The following PBXIP1 variants were observed in gnomAD, a reference collection of about 807,000 sequenced individuals.
PBXIP1 encodes the protein pre-B-cell leukemia transcription factor-interacting protein 1.
A neutral mutation model predicts 73.7 loss-of-function variants in PBXIP1; 73 were observed. The observed-to-expected ratio is 0.99, with a 90% CI of 0.82 to 1.20. The LOEUF (loss-of-function observed/expected upper bound fraction) is 1.20. PBXIP1 is among the 50% of genes most tolerant of loss of function. The pLI, the probability that PBXIP1 is intolerant of heterozygous loss-of-function variation, is 0.00. For missense variants in PBXIP1, 818 were observed against 911.4 expected (o/e 0.90, Z 1.32); for synonymous variants, 330 against 366.9 (o/e 0.90, Z 1.15).
chr1:154,951,284 C>T lies in PBXIP1; in HGVS notation c.357G>A (p.Gln119=), dbSNP rs1290275901. 2 of 1,614,036 alleles carry T rather than the reference C, an allele frequency of 1.2e-6. No homozygotes were observed. The highest frequency in any genetic ancestry group is 1.7e-6 in the Non-Finnish European group (2 of 1,180,018). Residue 119 remains glutamine, a synonymous_variant, in exon 5 of 11, where the codon CAG becomes CAA. Coordinates refer to ENST00000368463, the MANE Select transcript of PBXIP1 (RefSeq NM_020524.4). The surrounding 1 kb of genome is among the most constrained non-coding windows in gnomAD (Gnocchi z 4.3). ...TVVTGLGPDT[Q]DLEGQSPPQS... ...GTGGAGGGCTCTGGCCTTCCAGGTCCTGTGTGTCTGGTCCCAGGCCTGTCA... is the reference window on the plus strand; with the variant it reads ...GTGGAGGGCTCTGGCCTTCCAGGTCTTGTGTGTCTGGTCCCAGGCCTGTCA...
At position 154,947,882 on chromosome 1, in the gene PBXIP1, C is replaced by G. The variant is rs1558038698; in HGVS notation, c.667+100G>C. 3.5e-6 allele frequency: 5 copies of G among 1,421,574 alleles called. No homozygotes were observed. The East Asian group carries it at 9.1e-5, about 26-fold the overall frequency. The allele number at this position is 1,421,574 out of a possible 1,614,324, so 88.1% of individuals were successfully genotyped here. On this transcript the variant is annotated intron_variant, in intron 7 of 10. Transcript: ENST00000368463. ...CCTGAACAGCTGACAAGGCCACTAACTGAGAAATAAATGTGAGCCCCCAGC... is the reference window on the plus strand; with the variant it reads ...CCTGAACAGCTGACAAGGCCACTAAGTGAGAAATAAATGTGAGCCCCCAGC...
chr1:154,946,547 G>T lies in PBXIP1; in HGVS notation c.1127C>A (p.Pro376Gln). The T allele has an allele frequency of 6.2e-7, 1 of 1,612,314 alleles. No individual in the cohort carries two copies. Reference sequence around the variant, plus strand: ...CTTCTGCTTCAGGAAGCTGAGTTCTGGCTCCTGCTCCCTGGGGCCTTGCTC... The same window carrying T: ...CTTCTGCTTCAGGAAGCTGAGTTCTTGCTCCTGCTCCCTGGGGCCTTGCTC... The part of the protein sequence containing the change: ...IREQGPREQE[P>Q]ELSFLKQKEQ... The change falls in exon 10 of 11, where the codon CCA becomes CAA. Residue 376 changes from proline (P) to glutamine (Q), a missense_variant. Transcript: ENST00000368463.
In PBXIP1 at chr1:154,951,086, CG is replaced by C; in HGVS notation, c.409+145del. The C allele has an allele frequency of 1.4e-6, 1 of 698,988 alleles. No homozygotes were observed. Among genetic ancestry groups the C allele is most frequent in the South Asian group, 1.9e-5 (1 of 52,942 alleles). 43.3% of individuals were successfully genotyped at this position (698,988 alleles called of 1,614,324 possible). A position where few individuals can be genotyped will look rare whatever the true frequency, so the allele number is the denominator to read the frequency against. ...GTCATTCAACCTTTCTGGGCCTCAA[CG>C]TCCCAGGGGTAGTGGTGAGAAAGGA... On this transcript the variant is annotated intron_variant, in intron 5 of 10. Coordinates refer to ENST00000368463, the MANE Select transcript of PBXIP1 (RefSeq NM_020524.4). The surrounding 1 kb of genome is among the most constrained non-coding windows in gnomAD (Gnocchi z 4.3).
chr1:154,948,341 G>A lies in PBXIP1; in HGVS notation c.435C>T (p.Cys145=). The A allele has an allele frequency of 2.5e-6, 4 of 1,602,704 alleles. No homozygotes were observed. Among genetic ancestry groups the A allele is most frequent in the Non-Finnish European group, 2.6e-6 (3 of 1,174,746 alleles). ...KAAWIREEGR[C]SSSDDDTDVD... ...CGTCGGTGTCATCGTCACTGCTGGA[G>A]CAGCGGCCCTCCTCCCTGATCCAAG... is the stretch of plus-strand genomic sequence containing the variant. The change falls in exon 6 of 11, where the codon TGC becomes TGT. Residue 145 remains cysteine, a synonymous_variant. Transcript: ENST00000368463.
At position 154,944,919 on chromosome 1, in the gene PBXIP1, CT is replaced by C; in HGVS notation, c.*104del. On this transcript the variant is annotated 3_prime_UTR_variant, in exon 11 of 11. Transcript: ENST00000368463. ...TTTTGCTCTACTGTGTGAAAGATATCTGAGGACACCAAACAAGCCAGGACAG... is the reference window on the plus strand; with the variant it reads ...TTTTGCTCTACTGTGTGAAAGATATCGAGGACACCAAACAAGCCAGGACAG... 1 of 889,284 alleles carries C rather than the reference CT, an allele frequency of 1.1e-6. No individual in the cohort carries two copies. The highest frequency in any genetic ancestry group is 1.8e-6 in the Non-Finnish European group (1 of 550,958). 55.1% of individuals were successfully genotyped at this position (889,284 alleles called of 1,614,324 possible).
At position 154,944,867 on chromosome 1, in the gene PBXIP1, A is replaced by G. The variant is rs1558036259; in HGVS notation, c.*157T>C. On this transcript the variant is annotated 3_prime_UTR_variant, in exon 11 of 11. Transcript: ENST00000368463. ...GTCCAGCTAAGGCCTTTTTCTACAT[A>G]AAGTGACATCAGTGCAGGGCTGGTG... The G allele has an allele frequency of 6.7e-6, 4 of 597,806 alleles. No individual in the cohort carries two copies. In the East Asian group the frequency reaches 1.1e-4, roughly 17 times the overall value. The allele number at this position is 597,806 out of a possible 1,614,324, so 37.0% of individuals were successfully genotyped here.
rs559731031 is a variant in PBXIP1, at chr1:154,946,759, C to T, written c.915G>A (p.Gly305=). ...ELQSLMHQPK[G]LEEENAQLRG... ...GGAGCTGGGCATTCTCCTCCTCTAG[C>T]CCTTTGGGCTGGTGCATCAGGCTCT... Residue 305 remains glycine (G), a synonymous_variant, in exon 10 of 11, where the codon GGG becomes GGA. Coordinates refer to ENST00000368463, the MANE Select transcript of PBXIP1 (RefSeq NM_020524.4). The T allele has an allele frequency of 1.3e-6, 2 of 1,572,572 alleles. No homozygotes were observed. Among genetic ancestry groups the T allele is most frequent in the South Asian group, 1.2e-5 (1 of 86,660 alleles).
intron 9 of PBXIP1, 149 bp from the exon 10 acceptor site, chr1:154,946,952 C>T (rs1654847587): frequency 1.5e-6 from 1 of 667,402 alleles, no homozygotes; most frequent in East Asian, 2.8e-5. Flanking sequence ...TGGTTTTCAT[C>T]CTCCACCCCA....
rs1209198293 is a variant in PBXIP1, at chr1:154,946,335, C to A, written c.1339G>T (p.Gly447Cys). ...AQKLQGLENW[G>C]QDPGVSANAS... ...TTGGCAGAGACCCCAGGGTCCTGGC[C>A]CCAGTTCTCCAGGCCCTGCAGTTTC... is the stretch of plus-strand genomic sequence containing the variant. The change falls in exon 10 of 11, where the codon GGC becomes TGC. Residue 447 changes from glycine to cysteine, a missense_variant. Transcript: ENST00000368463. 1 of 1,614,084 alleles carries A rather than the reference C, an allele frequency of 6.2e-7. No homozygotes were observed. Among genetic ancestry groups the A allele is most frequent in the Non-Finnish European group, 8.5e-7 (1 of 1,180,024 alleles).
Position 154,948,216 on chromosome 1 carries a change from G to A in PBXIP1, c.560C>T (p.Ala187Val), listed in dbSNP as rs755202574. The A allele has an allele frequency of 1.1e-5, 17 of 1,611,902 alleles. No homozygotes were observed. The East Asian group carries it at 3.8e-4, about 36-fold the overall frequency. ...AVENQAGGEG[A>V]GGELGISLNM... Reference sequence around the variant, plus strand: ...GAGGGAGATGCCCAGCTCCCCGCCTGCACCCTCACCCCCAGCCTGGTTCTC... The same window carrying A: ...GAGGGAGATGCCCAGCTCCCCGCCTACACCCTCACCCCCAGCCTGGTTCTC... Residue 187 changes from alanine to valine, a missense_variant, in exon 6 of 11, where the codon GCA becomes GTA. Coordinates refer to ENST00000368463, the MANE Select transcript of PBXIP1 (RefSeq NM_020524.4).
chr1:154,951,272 G>T lies in PBXIP1; in HGVS notation c.369C>A (p.Gly123=). ...GLGPDTQDLE[G]QSPPQSLPST... is the part of the protein sequence containing the mutation. The stretch of plus-strand genomic sequence containing the variant: ...AAGGCAGGCTCTGTGGAGGGCTCTG[G>T]CCTTCCAGGTCCTGTGTGTCTGGTC... Residue 123 remains glycine, a synonymous_variant, in exon 5 of 11, where the codon GGC becomes GGA. Transcript: ENST00000368463. The surrounding 1 kb of genome is among the most constrained non-coding windows in gnomAD (Gnocchi z 4.3). The T allele has an allele frequency of 6.2e-7, 1 of 1,614,118 alleles. No individual in the cohort carries two copies. The highest frequency in any genetic ancestry group is 8.5e-7 in the Non-Finnish European group (1 of 1,179,976).
Position 154,944,764 on chromosome 1 carries a change from C to T in PBXIP1, c.*260G>A, listed in dbSNP as rs1654743796. 2.2e-6 allele frequency: 1 copy of T among 451,830 alleles called. No homozygotes were observed. The highest frequency in any genetic ancestry group is 3.5e-5 in the South Asian group (1 of 28,896). 28.0% of individuals were successfully genotyped at this position (451,830 alleles called of 1,614,324 possible). ...CAAAACAGGCTCCTCTCCCATCTCC[C>T]CCTTCACAGTGACAAAACACAAGCC... On this transcript the variant is annotated 3_prime_UTR_variant, in exon 11 of 11. Transcript: ENST00000368463.
chr1:154,947,340 CT>C (rs1158732014), intron 9 of PBXIP1, 76 bp downstream of exon 9: 3 of 1,538,756 alleles, frequency 1.9e-6, no homozygotes, highest in Non-Finnish European at 2.7e-6. Flanking sequence ...GGAAACATTC[CT>C]TTTGGGGGAG....
chr1:154,951,212 G>A lies in PBXIP1; in HGVS notation c.409+20C>T, dbSNP rs1654993421. On this transcript the variant is annotated intron_variant, in intron 5 of 10. Coordinates refer to ENST00000368463, the MANE Select transcript of PBXIP1 (RefSeq NM_020524.4). This position sits in a 1 kb window ranked among gnomAD's most constrained non-coding sequence, Gnocchi z 4.3. ...ACCTTCTAGAAGGAGAGTGACAGGA[G>A]AGGCAAGGAAGACTCTCACCTGCTT... is the stretch of plus-strand genomic sequence containing the variant. The A allele has an allele frequency of 1.9e-6, 3 of 1,609,646 alleles. No homozygotes were observed. The highest frequency in any genetic ancestry group is 1.3e-5 in the African/African-American group (1 of 74,838).
intron 5 of PBXIP1, chr1:154,950,242 G>T (rs1321678832): frequency 6.6e-6 from 1 of 152,342 alleles, no homozygotes; most frequent in Non-Finnish European, 1.5e-5. Flanking sequence ...GCCCAGGCTG[G>T]TCTCAAACTT....
At position 154,945,586 on chromosome 1, in the gene PBXIP1, T is replaced by A. The variant is rs1304406290; in HGVS notation, c.2088A>T (p.Lys696Asn). Reference sequence around the variant, plus strand: ...CAGCTGCCCACCTCTTCTTCAGTGCTTTGTCTCCAAAGAAGTGGCTGAAGA... The same window carrying A: ...CAGCTGCCCACCTCTTCTTCAGTGCATTGTCTCCAAAGAAGTGGCTGAAGA... ...DFIFSHFFGD[K>N]ALKKRSGKKD... is the part of the protein sequence containing the mutation. The change falls in exon 10 of 11, where the codon AAA (lysine) becomes AAT (asparagine). Residue 696 changes from lysine (K) to asparagine (N), a missense_variant. Coordinates refer to ENST00000368463, the MANE Select transcript of PBXIP1 (RefSeq NM_020524.4). The A allele has an allele frequency of 6.2e-7, 1 of 1,613,138 alleles. No homozygotes were observed. The highest frequency in any genetic ancestry group is 1.1e-5 in the South Asian group (1 of 91,056).
chr1:154,946,263 C>T lies in PBXIP1; in HGVS notation c.1411G>A (p.Glu471Lys), dbSNP rs529270147. ...CACCACTTTTCCTTTCCACTCCACT[C>T]CCTAGAATTCTGGAAGTGGGACTTC... Reference protein sequence around the residue: ...HQKSHFQNSREWSGKEKWWDG... With the variant: ...HQKSHFQNSRKWSGKEKWWDG... Residue 471 changes from glutamate to lysine, a missense_variant, in exon 10 of 11, where the codon GAG (glutamate) becomes AAG (lysine). Physicochemically the swap from Glu to Lys is moderately conservative, Grantham distance 56. Coordinates refer to ENST00000368463, the MANE Select transcript of PBXIP1 (RefSeq NM_020524.4). 6.2e-7 allele frequency: 1 copy of T among 1,614,052 alleles called. No homozygotes were observed. The highest frequency in any genetic ancestry group is 1.1e-5 in the South Asian group (1 of 91,090).
Position 154,944,846 on chromosome 1 carries a change from A to G in PBXIP1, c.*178T>C. On this transcript the variant is annotated 3_prime_UTR_variant, in exon 11 of 11. Transcript: ENST00000368463. ...TTTGCATAGACGGCAACGCAGGTCC[A>G]GCTAAGGCCTTTTTCTACATAAAGT... 1 of 574,108 alleles carries G rather than the reference A, an allele frequency of 1.7e-6. No individual in the cohort carries two copies. Among genetic ancestry groups the G allele is most frequent in the South Asian group, 2.2e-5 (1 of 45,854 alleles). The allele number at this position is 574,108 out of a possible 1,614,324, so 35.6% of individuals were successfully genotyped here. A position where few individuals can be genotyped will look rare whatever the true frequency, so the allele number is the denominator to read the frequency against.
intron 1 of PBXIP1, among the ~76,000 whole-genome samples, chr1:154,955,180 G>C (rs942345792): frequency 3.3e-5 from 5 of 152,182 alleles, no homozygotes; most frequent in African/African-American, 1.2e-4. Context: ...GCATGCATCT[G>C]TAAGTATCCA....
Sources: gnomAD v4.1 joint callset for allele counts (sites outside exome capture counted in the v4.1 genomes callset) on GRCh38, gnomAD v4.1.1 for gene constraint, Gnocchi (gnomAD v3.1) non-coding constraint, MANE v1.5 for transcripts, NCBI Gene and HGNC (gene_info 2026-07-23, HGNC 2026-07-21) for gene names.